The following RPTN variants were observed in gnomAD, a reference collection of about 807,000 sequenced individuals.
The protein encoded by RPTN is repetin, also known as intermediate filament-associated protein.
RPTN carries 4 observed loss-of-function variants against 3.6 expected under a neutral mutation model. The ratio of observed to expected loss-of-function variants is 1.12; its 90% confidence interval spans 0.55 to 2.55. The LOEUF (loss-of-function observed/expected upper bound fraction) is 2.55. Among genes scored for constraint, RPTN ranks in the 30% most tolerant of loss-of-function variants. The pLI is 0.02. For missense variants in RPTN, 860 were observed against 916.7 expected, an observed-to-expected ratio of 0.94 and a Z score of 0.80; for synonymous variants, 293 against 319.3, an observed-to-expected ratio of 0.92 and a Z score of 0.88.
Position 152,155,699 on chromosome 1 carries a change from T to G in RPTN, c.1400A>C (p.Asp467Ala), listed in dbSNP as rs1041067219. Residue 467 changes from aspartate (D) to alanine (A), a missense_variant, in exon 3 of 3, where the codon GAC (aspartate) becomes GCC (alanine). Physicochemically the swap from Asp to Ala is moderately radical, Grantham distance 126. Coordinates refer to ENST00000316073, the MANE Select transcript of RPTN (RefSeq NM_001122965.1). ...QGQSSHYGQT[D>A]RQGQSSHYSQ... ...GTAGTGGGAACTCTGGCCTTGTCTG[T>G]CTGTCTGACCATAGTGGGAACTCTG... 6.2e-7 allele frequency: 1 copy of G among 1,613,012 alleles called. No homozygotes were observed. The highest frequency in any genetic ancestry group is 1.3e-5 in the African/African-American group (1 of 74,902).
chr1:152,154,157 C>G lies in RPTN; in HGVS notation c.*587G>C, dbSNP rs1043199327. ...CAAAGCAGGAAATGATTTAAATACC[C>G]AAACTGATCAACATTAAGATATGAT... is the stretch of plus-strand genomic sequence containing the variant. On this transcript the variant is annotated 3_prime_UTR_variant, in exon 3 of 3. Coordinates refer to ENST00000316073, the MANE Select transcript of RPTN (RefSeq NM_001122965.1). 1 of 155,688 alleles carries G rather than the reference C, an allele frequency of 6.4e-6. No individual in the cohort carries two copies. The highest frequency in any genetic ancestry group is 1.4e-5 in the Non-Finnish European group (1 of 70,152). 9.6% of individuals were successfully genotyped at this position (155,688 alleles called of 1,614,324 possible).
At position 152,156,341 on chromosome 1, in the gene RPTN, A is replaced by C; in HGVS notation, c.758T>G (p.Leu253Arg). Reference sequence around the variant, plus strand: ...CTGGTTAAAGTGAGAGGCTTGTCCAAGTGTTTCAGATTGTTGTGTATGTCT... The same window carrying C: ...CTGGTTAAAGTGAGAGGCTTGTCCACGTGTTTCAGATTGTTGTGTATGTCT... Reference protein sequence around the residue: ...SERHTQQSETLGQASHFNQTN... With the variant: ...SERHTQQSETRGQASHFNQTN... Residue 253 changes from leucine to arginine, a missense_variant, in exon 3 of 3, where the codon CTT (leucine) becomes CGT (arginine). Leu to Arg is a moderately radical substitution (Grantham distance 102). Coordinates refer to ENST00000316073, the MANE Select transcript of RPTN (RefSeq NM_001122965.1). The C allele has an allele frequency of 6.2e-7, 1 of 1,614,252 alleles. No homozygotes were observed. Among genetic ancestry groups the C allele is most frequent in the Non-Finnish European group, 8.5e-7 (1 of 1,180,052 alleles).
Position 152,154,771 on chromosome 1 carries a change from A to T in RPTN, c.2328T>A (p.His776Gln), listed in dbSNP as rs769641918. 1.9e-6 allele frequency: 3 copies of T among 1,613,570 alleles called. No homozygotes were observed. Among genetic ancestry groups the T allele is most frequent in the East Asian group, 2.2e-5 (1 of 44,796 alleles). ...QNRQRRDRQT[H>Q]EDEQNHQR Reference sequence around the variant, plus strand: ...ATCTCTGATGGTTCTGCTCGTCTTCATGGGTTTGCCTGTCTCGTCTCTGAC... The same window carrying T: ...ATCTCTGATGGTTCTGCTCGTCTTCTTGGGTTTGCCTGTCTCGTCTCTGAC... Residue 776 changes from histidine (H) to glutamine (Q), a missense_variant, in exon 3 of 3, where the codon CAT (histidine) becomes CAA (glutamine). Physicochemically the swap from His to Gln is conservative, Grantham distance 24. Transcript: ENST00000316073.
rs1659210196 is a variant in RPTN at position 152,156,557 on chromosome 1, T to C, written c.542A>G (p.His181Arg). 6.2e-7 allele frequency: 1 copy of C among 1,614,080 alleles called. No homozygotes were observed. Among genetic ancestry groups the C allele is most frequent in the African/African-American group, 1.3e-5 (1 of 75,044 alleles). Residue 181 changes from histidine (H) to arginine (R), a missense_variant, in exon 3 of 3, where the codon CAC becomes CGC. Coordinates refer to ENST00000316073, the MANE Select transcript of RPTN (RefSeq NM_001122965.1). ...GTCTTGTCTCTCAGACTGATTGTGG[T>C]GAGAATCTCTGTCTTGTCTCTCAGG... ...SQPERQDRDS[H>R]HNQSERQDKD... is the part of the protein sequence containing the mutation.
Position 152,154,388 on chromosome 1 carries a change from TTG to T in RPTN, c.*354_*355del, listed in dbSNP as rs1283958764. 1 of 292,070 alleles carries T rather than the reference TTG, an allele frequency of 3.4e-6. No homozygotes were observed. Among genetic ancestry groups the T allele is most frequent in the East Asian group, 7.0e-5 (1 of 14,354 alleles). The allele number at this position is 292,070 out of a possible 1,614,324, so 18.1% of individuals were successfully genotyped here. ...CGACATATAGGTTTCTTTTTTGGCT[TTG>T]TGTTGCTTTACCTCTGGTGCTCACA... On this transcript the variant is annotated 3_prime_UTR_variant, in exon 3 of 3. Transcript: ENST00000316073.
At position 152,156,363 on chromosome 1, in the gene RPTN, G is replaced by A. The variant is rs750774520; in HGVS notation, c.736C>T (p.His246Tyr). 2 of 1,614,130 alleles carry A rather than the reference G, an allele frequency of 1.2e-6. No individual in the cohort carries two copies. The highest frequency in any genetic ancestry group is 1.3e-5 in the African/African-American group (1 of 74,940). The change falls in exon 3 of 3, where the codon CAT becomes TAT. Residue 246 changes from histidine (H) to tyrosine (Y), a missense_variant. His to Tyr is a moderately conservative substitution (Grantham distance 83). Transcript: ENST00000316073. The part of the protein sequence containing the change: ...QDSHYGQSER[H>Y]TQQSETLGQA... ...CCAAGTGTTTCAGATTGTTGTGTAT[G>A]TCTTTCAGACTGACCATAATGAGAA...
At chr1:152,157,983 C>G in intron 1 of RPTN, 74 bp from the exon 2 acceptor site, 1 of 1,274,202 alleles carries the variant, frequency 7.8e-7, no homozygotes, top group Admixed American at 1.8e-5. Flanking sequence ...GGGAAAGTGA[C>G]CCCTCTGGAT....
Position 152,155,139 on chromosome 1 carries a change from C to T in RPTN, c.1960G>A (p.Asp654Asn). The change falls in exon 3 of 3, where the codon GAT becomes AAT. Residue 654 changes from aspartate (D) to asparagine (N), a missense_variant. Transcript: ENST00000316073. ...NGHQVWEPEE[D>N]SQHHQHKLLA... The stretch of plus-strand genomic sequence containing the variant: ...AGTTTGTGTTGGTGATGTTGGCTAT[C>T]CTCTTCAGGCTCCCATACCTGGTGG... The T allele has an allele frequency of 6.2e-7, 1 of 1,614,172 alleles. No individual in the cohort carries two copies. Among genetic ancestry groups the T allele is most frequent in the Non-Finnish European group, 8.5e-7 (1 of 1,180,034 alleles).
rs183205329 is a variant in RPTN, at chr1:152,154,003, T to G, written c.*741A>C. 16 of 152,540 alleles carry G rather than the reference T, an allele frequency of 1.0e-4. No homozygotes were observed. The highest frequency in any genetic ancestry group is 3.8e-4 in the African/African-American group (16 of 41,572). The allele number at this position is 152,540 out of a possible 1,614,324, so 9.4% of individuals were successfully genotyped here. A position where few individuals can be genotyped will look rare whatever the true frequency, so the allele number is the denominator to read the frequency against. On this transcript the variant is annotated 3_prime_UTR_variant, in exon 3 of 3. Transcript: ENST00000316073. ...AAAGCTCACCAAATCTAGGGTTCCT[T>G]GAGGAGTGGAGATGTAGTATAATCC...
Position 152,156,657 on chromosome 1 carries a change from G to A in RPTN, c.442C>T (p.Gln148Ter). 6 of 1,600,276 alleles carry A rather than the reference G, an allele frequency of 3.7e-6. No individual in the cohort carries two copies. The highest frequency in any genetic ancestry group is 5.1e-6 in the Non-Finnish European group (6 of 1,173,710). The change falls in exon 3 of 3, where the codon CAG (glutamine) becomes TAG (stop). Residue 148 changes from glutamine to a stop codon, truncating the protein, a stop_gained. Transcript: ENST00000316073. LOFTEE classifies it low-confidence loss of function (END_TRUNC). Reference protein sequence around the residue: ...ERQDGDSHHGQPERQDRDSHH... With the variant: ...ERQDGDSHHG The stretch of plus-strand genomic sequence containing the variant: ...GAATCTCTGTCTTGTCTCTCAGGCT[G>A]ACCATGGTGGGAATCTCCGTCTTGT...
chr1:152,155,853 T>G lies in RPTN; in HGVS notation c.1246A>C (p.Ser416Arg), dbSNP rs762417902. The G allele has an allele frequency of 1.9e-6, 3 of 1,602,454 alleles. No homozygotes were observed. The highest frequency in any genetic ancestry group is 2.6e-6 in the Non-Finnish European group (3 of 1,175,890). The change falls in exon 3 of 3, where the codon AGT becomes CGT. Residue 416 changes from serine to arginine, a missense_variant. By Grantham distance (110) the Ser-to-Arg change is moderately radical. Transcript: ENST00000316073. Reference protein sequence around the residue: ...TERQGQSSHYSQMDRQGQGSH... With the variant: ...TERQGQSSHYRQMDRQGQGSH... ...CCCTGGCCTTGTCGGTCCATCTGAC[T>G]GTAGTGGGAACTCTGGCCTTGTCTC...
chr1:152,155,219 T>G lies in RPTN; in HGVS notation c.1880A>C (p.Glu627Ala), dbSNP rs764403731. ...GRLSQQTPGQ[E>A]GYQNQGQGFQ... is the part of the protein sequence containing the mutation. ...TCCCTGTCCCTGGTTTTGGTACCCT[T>G]CCTGTCCTGGAGTCTGTTGACTTAG... Residue 627 changes from glutamate (E) to alanine (A), a missense_variant, in exon 3 of 3, where the codon GAA becomes GCA. Glu to Ala is a moderately radical substitution (Grantham distance 107). Coordinates refer to ENST00000316073, the MANE Select transcript of RPTN (RefSeq NM_001122965.1). 1.6e-5 allele frequency: 26 copies of G among 1,614,112 alleles called. No individual in the cohort carries two copies. The highest frequency in any genetic ancestry group is 2.2e-5 in the Non-Finnish European group (26 of 1,180,044).
At position 152,156,393 on chromosome 1, in the gene RPTN, G is replaced by A. The variant is rs769983059; in HGVS notation, c.706C>T (p.Gln236Ter). Residue 236 changes from glutamine (Q) to a stop codon, truncating the protein, a stop_gained, in exon 3 of 3, where the codon CAG becomes TAG. Coordinates refer to ENST00000316073, the MANE Select transcript of RPTN (RefSeq NM_001122965.1). LOFTEE classifies it low-confidence loss of function (END_TRUNC). ...FALNRCEKPI[Q>*]DSHYGQSERH... ...TCAGACTGACCATAATGAGAATCCT[G>A]AATTGGTTTTTCACACCGATTTAAG... The A allele has an allele frequency of 6.2e-7, 1 of 1,614,212 alleles. No homozygotes were observed. Among genetic ancestry groups the A allele is most frequent in the Admixed American group, 1.7e-5 (1 of 60,028 alleles).
chr1:152,155,342 G>T lies in RPTN; in HGVS notation c.1757C>A (p.Ser586Ter), dbSNP rs746262236. 5.0e-6 allele frequency: 8 copies of T among 1,614,238 alleles called. No homozygotes were observed. In the South Asian group the frequency reaches 8.8e-5, roughly 18 times the overall value. Residue 586 changes from serine (S) to a stop codon, truncating the protein, a stop_gained, in exon 3 of 3, where the codon TCA becomes TAA. Transcript: ENST00000316073. LOFTEE classifies it low-confidence loss of function (END_TRUNC). The part of the protein sequence containing the change: ...RQGQSSHYIQ[S>*]QTGEIQGQNK... ...TTGCCCTTGTATTTCCCCAGTCTGT[G>T]ATTGAATATAGTGGGAACTCTGGCC...
At position 152,155,023 on chromosome 1, in the gene RPTN, C is replaced by T; in HGVS notation, c.2076G>A (p.Gln692=). Residue 692 remains glutamine (Q), a synonymous_variant, in exon 3 of 3, where the codon CAG becomes CAA. Transcript: ENST00000316073. ...CSSEQGHRQA[Q]TRQSHGEGLS... ...GCCCCTCACCATGACTCTGCCTGGTCTGGGCCTGTCTGTGGCCCTGCTCAC... is the reference window on the plus strand; with the variant it reads ...GCCCCTCACCATGACTCTGCCTGGTTTGGGCCTGTCTGTGGCCCTGCTCAC... 1 of 1,614,190 alleles carries T rather than the reference C, an allele frequency of 6.2e-7. No homozygotes were observed. Among genetic ancestry groups the T allele is most frequent in the Non-Finnish European group, 8.5e-7 (1 of 1,180,024 alleles).
chr1:152,157,987 T>G, intron 1 of RPTN, 78 bp from the exon 2 acceptor site: 3 of 1,233,102 alleles, frequency 2.4e-6, no homozygotes, highest in Non-Finnish European at 1.2e-6. Flanking sequence ...AAGTGACCCC[T>G]CTGGATCTGG....
chr1:152,155,945 TG>T lies in RPTN; in HGVS notation c.1153del (p.Gln385LysfsTer106). On this transcript the variant is annotated frameshift_variant, in exon 3 of 3. Coordinates refer to ENST00000316073, the MANE Select transcript of RPTN (RefSeq NM_001122965.1). LOFTEE classifies it low-confidence loss of function (END_TRUNC). ...CTGACCATAGTGAGAACTCTGATCT[TG>T]TGTGTCTGGCTGACCATAGTGGGAA... ...QSSHYGQPDTQDQSSHYGQTD... is the reference protein window; with the variant it reads ...QSSHYGQPDTXDQSSHYGQTD... 1.2e-6 allele frequency: 2 copies of T among 1,614,024 alleles called. No homozygotes were observed.
Position 152,156,492 on chromosome 1 carries a change from C to T in RPTN, c.607G>A (p.Asp203Asn), listed in dbSNP as rs1236308478. Reference sequence around the variant, plus strand: ...CTCACTTTTTTACCAGAGCTGGAGTCTTGACTTTGTCTCTCTGACTGATCA... The same window carrying T: ...CTCACTTTTTTACCAGAGCTGGAGTTTTGACTTTGTCTCTCTGACTGATCA... The part of the protein sequence containing the change: ...SFDQSERQSQ[D>N]SSSGKKVSHK... The change falls in exon 3 of 3, where the codon GAC becomes AAC. Residue 203 changes from aspartate to asparagine, a missense_variant. Coordinates refer to ENST00000316073, the MANE Select transcript of RPTN (RefSeq NM_001122965.1). The T allele has an allele frequency of 5.0e-6, 8 of 1,614,124 alleles. No individual in the cohort carries two copies. In the Admixed American group the frequency reaches 8.3e-5, roughly 17 times the overall value.
At position 152,156,625 on chromosome 1, in the gene RPTN, A is replaced by G. The variant is rs117596468; in HGVS notation, c.474T>C (p.His158=). Residue 158 remains histidine (H), a synonymous_variant, in exon 3 of 3, where the codon CAT becomes CAC. Transcript: ENST00000316073. Reference sequence around the variant, plus strand: ...CTCTGTCTTGTTTCTCAGACTGACCATGGTGGGAATCTCTGTCTTGTCTCT... The same window carrying G: ...CTCTGTCTTGTTTCTCAGACTGACCGTGGTGGGAATCTCTGTCTTGTCTCT... ...QPERQDRDSH[H]GQSEKQDRDS... is the part of the protein sequence containing the mutation. The G allele has an allele frequency of 2.9e-4, 301 of 1,040,632 alleles. No individual in the cohort carries two copies. Among genetic ancestry groups the G allele is most frequent in the Non-Finnish European group, 3.6e-4 (293 of 810,342 alleles). 64.5% of individuals were successfully genotyped at this position (1,040,632 alleles called of 1,614,324 possible).
Sources: gnomAD v4.1 joint callset for allele counts on GRCh38, gnomAD v4.1.1 for gene constraint, MANE v1.5 for transcripts, NCBI Gene and HGNC (gene_info 2026-07-23, HGNC 2026-07-21) for gene names.